Variants in ANKRD13C observed in about 807,000 individuals in gnomAD.
ANKRD13C encodes the protein ankyrin repeat domain-containing protein 13C.
ANKRD13C carries 16 observed loss-of-function variants against 65.5 expected under a neutral mutation model. The ratio of observed to expected loss-of-function variants is 0.24; its 90% CI spans 0.17 to 0.37. The LOEUF (loss-of-function observed/expected upper bound fraction) is 0.37. ANKRD13C is among the 10% of genes least tolerant of loss of function. The probability of loss-of-function intolerance (pLI) is 1.00; values close to 1 mark genes in which losing one functional copy is unlikely to be tolerated. For missense variants in ANKRD13C, 503 were observed against 655.9 expected, an observed-to-expected ratio of 0.77 and a Z score of 2.55; for synonymous variants, 235 against 238.7, an observed-to-expected ratio of 0.98 and a Z score of 0.14.
intron 1 of ANKRD13C, among the ~76,000 whole-genome samples, chr1:70,341,754 T>G (rs1406845741): frequency 6.6e-6 from 1 of 152,148 alleles, no homozygotes; most frequent in African/African-American, 2.4e-5. Flanking sequence ...TATTATTCCA[T>G]TTTGTTTTTT....
chr1:70,270,597 C>T (rs1178761090), intron 12 of ANKRD13C, among the ~76,000 whole-genome samples: 1 of 152,110 alleles, frequency 6.6e-6, no homozygotes, highest in Non-Finnish European at 1.5e-5. Context: ...AGATCCCTCA[C>T]ATGTGAAGTT....
chr1:70,340,766 C>T (rs1010579610), intron 1 of ANKRD13C, among the ~76,000 whole-genome samples: 1 of 152,082 alleles, frequency 6.6e-6, no homozygotes, highest in African/African-American at 2.4e-5. Context: ...GTTAATTGAA[C>T]CACTTTTCAT....
Position 70,288,899 on chromosome 1 carries a change from C to T in ANKRD13C, c.1215+3489G>A, listed in dbSNP as rs568159433. On this transcript the variant is annotated intron_variant, in intron 9 of 12. Coordinates refer to ENST00000370944, the MANE Select transcript of ANKRD13C (RefSeq NM_030816.5). ...TACCACTGGGGGAAACTGGGTGAGG[C>T]ATACATGGAATCCCTGTATGATTTC... Among the ~76,000 whole-genome samples, 32 of 152,198 alleles carry T rather than the reference C, an allele frequency of 2.1e-4. No individual in the cohort carries two copies. The South Asian group carries it at 6.6e-3, about 32-fold the overall frequency.
intron 9 of ANKRD13C, among the ~76,000 whole-genome samples, chr1:70,281,804 T>C (rs891324328): frequency 6.6e-6 from 1 of 150,376 alleles, no homozygotes; most frequent in Non-Finnish European, 1.5e-5. Flanking sequence ...ATTAGCACTT[T>C]GGGAGGCCAA....
chr1:70,296,018 A>T lies in ANKRD13C; in HGVS notation c.1053+112T>A, dbSNP rs1020942628. 1.3e-5 allele frequency: 17 copies of T among 1,291,942 alleles called. No homozygotes were observed. In the Middle Eastern group the frequency reaches 8.7e-4, roughly 66 times the overall value. The allele number at this position is 1,291,942 out of a possible 1,614,324, so 80.0% of individuals were successfully genotyped here. A position where few individuals can be genotyped will look rare whatever the true frequency, so the allele number is the denominator to read the frequency against. ...ATCTGGATTCAAGGAAGAGAGAAAAAAACTACTTGGAGACAATTCTGTAAG... is the reference window on the plus strand; with the variant it reads ...ATCTGGATTCAAGGAAGAGAGAAAATAACTACTTGGAGACAATTCTGTAAG... On this transcript the variant is annotated intron_variant, in intron 8 of 12. Coordinates refer to ENST00000370944, the MANE Select transcript of ANKRD13C (RefSeq NM_030816.5).
intron 12 of ANKRD13C, among the ~76,000 whole-genome samples, chr1:70,268,082 C>T (rs1458094095): frequency 2.0e-5 from 3 of 152,078 alleles, no homozygotes; most frequent in Non-Finnish European, 4.4e-5. Flanking sequence ...AGGGGAGAGA[C>T]CTGAGCAAGC....
At chr1:70,325,642 G>A (rs565001343) in intron 2 of ANKRD13C, among the ~76,000 whole-genome samples, 1 of 152,214 alleles carries the variant, frequency 6.6e-6, no homozygotes, top group East Asian at 1.9e-4. Flanking sequence ...ACTTTGGGAG[G>A]CCAAGGCGGG....
At chr1:70,285,436 C>T (rs1265599381) in intron 9 of ANKRD13C, among the ~76,000 whole-genome samples, 1 of 151,906 alleles carries the variant, frequency 6.6e-6, no homozygotes, top group East Asian at 1.9e-4. Context: ...CTCAAGTGAT[C>T]CGGTCGCCTC....
intron 10 of ANKRD13C, 42 bp downstream of exon 10, chr1:70,276,719 ATTCT>A (rs766621488): frequency 5.6e-6 from 8 of 1,419,000 alleles, no homozygotes; most frequent in Non-Finnish European, 7.8e-6. Flanking sequence ...TTTACAAATT[ATTCT>A]TTCTAAAAAC....
intron 2 of ANKRD13C, 32 bp downstream of exon 2, chr1:70,336,026 G>T (rs1364288295): frequency 1.4e-6 from 1 of 733,818 alleles, no homozygotes; most frequent in Non-Finnish European, 2.0e-6. Context: ...TATAAATGAA[G>T]TTAAACATAA....
chr1:70,308,000 G>C (rs1465783974), intron 5 of ANKRD13C, among the ~76,000 whole-genome samples: 3 of 152,130 alleles, frequency 2.0e-5, no homozygotes. Flanking sequence ...AACAAAAATT[G>C]AGAAGAGCAA....
intron 3 of ANKRD13C, among the ~76,000 whole-genome samples, chr1:70,316,070 G>A (rs1219705861): frequency 6.6e-6 from 1 of 152,106 alleles, no homozygotes; most frequent in Non-Finnish European, 1.5e-5. Context: ...AATCCCACTG[G>A]AAGCCACTTT....
intron 1 of ANKRD13C, among the ~76,000 whole-genome samples, chr1:70,343,250 G>A (rs1266972525): frequency 2.6e-5 from 4 of 152,170 alleles, no homozygotes; most frequent in African/African-American, 4.8e-5. Flanking sequence ...TCATCATCAC[G>A]ATCACCTGGC....
At chr1:70,282,728 A>T (rs887045955) in intron 9 of ANKRD13C, among the ~76,000 whole-genome samples, 2 of 152,230 alleles carry the variant, frequency 1.3e-5, no homozygotes, top group Non-Finnish European at 2.9e-5. Context: ...TATGCTAGAA[A>T]GCAGAGAGAC....
At chr1:70,266,949 C>T (rs968359062) in intron 12 of ANKRD13C, among the ~76,000 whole-genome samples, 21 of 152,150 alleles carry the variant, frequency 1.4e-4, no homozygotes, top group Admixed American at 6.6e-5. Context: ...CAATTAAATC[C>T]TTTGGCTTAT....
chr1:70,330,574 C>CAAAAAAAAAAAAAAAAAAAAAAA (rs71071394), intron 2 of ANKRD13C, among the ~76,000 whole-genome samples: 13 of 68,372 alleles, frequency 1.9e-4, no homozygotes, highest in East Asian at 8.8e-4. Context: ...ACAAACAAAC[C>CAAAAAAAAAAAAAAAAAAAAAAA]AAAAAAAAAA....
intron 11 of ANKRD13C, among the ~76,000 whole-genome samples, chr1:70,274,440 C>A (rs1306107850): frequency 1.4e-5 from 2 of 140,126 alleles, no homozygotes; most frequent in Non-Finnish European, 3.0e-5. Context: ...CGCCACTGCA[C>A]TCCAGCCTGG....
At chr1:70,329,970 A>G (rs920957720) in intron 2 of ANKRD13C, among the ~76,000 whole-genome samples, 1 of 151,444 alleles carries the variant, frequency 6.6e-6, no homozygotes, top group Admixed American at 6.6e-5. Context: ...CACACCTGCA[A>G]TCCCAGCTAC....
chr1:70,295,998 G>T, intron 8 of ANKRD13C, 132 bp downstream of exon 8: 1 of 971,398 alleles, frequency 1.0e-6, no homozygotes. Flanking sequence ...TCCTTATCTG[G>T]ATTCAAGGAA....
Sources: gnomAD v4.1 joint callset for allele counts (sites outside exome capture counted in the v4.1 genomes callset) on GRCh38, gnomAD v4.1.1 for gene constraint, MANE v1.5 for transcripts, NCBI Gene and HGNC (gene_info 2026-07-23, HGNC 2026-07-21) for gene names.